Variants in ADGRF5 observed in about 807,000 individuals in gnomAD.
The protein encoded by ADGRF5 is adhesion G protein-coupled receptor F5.
A neutral mutation model predicts 132.3 loss-of-function variants in ADGRF5; 75 were observed. The observed-to-expected ratio is 0.57, with a 90% CI of 0.47 to 0.69. The LOEUF (loss-of-function observed/expected upper bound fraction) is 0.69. ADGRF5 is among the 30% of genes least tolerant of loss of function. The pLI, the probability that ADGRF5 is intolerant of heterozygous loss-of-function variation, is 0.00. For synonymous variants in ADGRF5, 629 were observed against 597.6 expected, an observed-to-expected ratio of 1.05 and a Z score of -0.77; for missense variants, 1,516 against 1,630.6, an observed-to-expected ratio of 0.93 and a Z score of 1.21.
At chr6:46,908,550 T>C (rs1775626104) in intron 1 of ADGRF5, among the ~76,000 whole-genome samples, 1 of 152,184 alleles carries the variant, frequency 6.6e-6, no homozygotes, top group Admixed American at 6.5e-5. Context: ...TTTCTACGAT[T>C]TCCCAGTGTT....
chr6:46,873,142 C>G lies in ADGRF5; in HGVS notation c.1241-1129G>C, dbSNP rs546694519. On this transcript the variant is annotated intron_variant, in intron 10 of 20. Coordinates refer to ENST00000283296, the MANE Select transcript of ADGRF5 (RefSeq NM_001098518.2). ...TCCCTTCATCCTTTGCCCTTCCTCA[C>G]CCTGTGTCTTTAATCTTTCCTCCCA... Among the ~76,000 whole-genome samples, 5 of 152,216 alleles carry G rather than the reference C, an allele frequency of 3.3e-5. No individual in the cohort carries two copies. The East Asian group carries it at 9.7e-4, about 29-fold the overall frequency.
intron 1 of ADGRF5, among the ~76,000 whole-genome samples, chr6:46,920,825 TGCACTCCAACCTGGGCGACAGA>T (rs1290708583): frequency 2.0e-5 from 3 of 152,038 alleles, no homozygotes; most frequent in African/African-American, 7.3e-5. Flanking sequence ...ATCGTGCCAC[TGCACTCCAACCTGGGCGACAGA>T]GCAAGACTCC....
chr6:46,860,833 A>G lies in ADGRF5; in HGVS notation c.2261T>C (p.Ile754Thr), dbSNP rs1562144880. The G allele has an allele frequency of 2.5e-6, 4 of 1,613,860 alleles. No individual in the cohort carries two copies. Among genetic ancestry groups the G allele is most frequent in the Non-Finnish European group, 2.5e-6 (3 of 1,179,854 alleles). ...TTCATGTTCCGCTTTGTCTATGCTA[A>G]TAGAAAGATCCTTCAGGTATGTAGG... is the stretch of plus-strand genomic sequence containing the variant. ...MLPTYLKDLS[I>T]SIDKAEHEIS... Residue 754 changes from isoleucine (I) to threonine (T), a missense_variant, in exon 16 of 21, where the codon ATT becomes ACT. Coordinates refer to ENST00000283296, the MANE Select transcript of ADGRF5 (RefSeq NM_001098518.2).
intron 1 of ADGRF5, among the ~76,000 whole-genome samples, chr6:46,916,008 C>A (rs185109362): frequency 6.6e-6 from 1 of 152,092 alleles, no homozygotes; most frequent in Non-Finnish European, 1.5e-5. Flanking sequence ...CTTCTATGCT[C>A]CCATCCTCAT....
chr6:46,890,325 T>C (rs1400542149), intron 3 of ADGRF5, among the ~76,000 whole-genome samples: 3 of 152,008 alleles, frequency 2.0e-5, no homozygotes, highest in Non-Finnish European at 4.4e-5. Flanking sequence ...ACTCTTGGGC[T>C]CAAGCGATCT....
At chr6:46,930,211 C>T (rs1777490111) in intron 1 of ADGRF5, among the ~76,000 whole-genome samples, 1 of 152,140 alleles carries the variant, frequency 6.6e-6, no homozygotes, top group Non-Finnish European at 1.5e-5. Context: ...TAGCGAATGG[C>T]ACCACAGTAT....
intron 1 of ADGRF5, among the ~76,000 whole-genome samples, chr6:46,941,433 A>AAAGAAAAAAG (rs1778068946): frequency 1.7e-5 from 1 of 57,674 alleles, no homozygotes; most frequent in Admixed American, 1.6e-4. Context: ...AAAGAAAAGA[A>AAAGAAAAAAG]AAGAAAAGAA....
rs571327810 is a variant in ADGRF5 at position 46,901,152 on chromosome 6, T to C, written c.103-1069A>G. Among the ~76,000 whole-genome samples the C allele has an allele frequency of 8.3e-4, 126 of 152,300 alleles. 1 individual carries two copies. The highest frequency in any genetic ancestry group is 4.6e-4 in the Admixed American group (7 of 15,306). On this transcript the variant is annotated intron_variant, in intron 2 of 20. Coordinates refer to ENST00000283296, the MANE Select transcript of ADGRF5 (RefSeq NM_001098518.2). ...ATTTCTGTGAAGTTCATCTCCTTCA[T>C]CCTGTAGCTTTTTTGTTAAAGAATA...
At chr6:46,882,995 T>C (rs927319919) in intron 6 of ADGRF5, among the ~76,000 whole-genome samples, 1 of 152,244 alleles carries the variant, frequency 6.6e-6, no homozygotes, top group Non-Finnish European at 1.5e-5. Context: ...GTTCCAAATA[T>C]GTTAACTCTA....
chr6:46,860,962 C>T (rs1769675294), intron 15 of ADGRF5, 68 bp from the exon 16 acceptor site: 10 of 1,234,148 alleles, frequency 8.1e-6, no homozygotes, highest in Non-Finnish European at 1.0e-5. Context: ...CCAGCTGATC[C>T]ATTCCTGGCA....
Position 46,877,458 on chromosome 6 carries a change from A to G in ADGRF5, c.1240+744T>C, listed in dbSNP as rs1165302254. On this transcript the variant is annotated intron_variant, in intron 10 of 20. Coordinates refer to ENST00000283296, the MANE Select transcript of ADGRF5 (RefSeq NM_001098518.2). ...CTGAACCTCAATTTCCTTATTTGCA[A>G]ATTGGAAGTAAAATGCTTCAAATTT... is the stretch of plus-strand genomic sequence containing the variant. 2.6e-5 allele frequency among the ~76,000 whole-genome samples: 4 copies of G among 150,970 alleles called. No individual in the cohort carries two copies. The East Asian group carries it at 7.8e-4, about 29-fold the overall frequency.
chr6:46,871,970 G>A lies in ADGRF5; in HGVS notation c.1284C>T (p.Thr428=). ...GGCACTGGGTTCCATCAGCCTTGAG[G>A]GTGTATCTGCTGCAGCTAGAATCTA... ...TDIDSSCSRY[T]LKADGTQCPS... Residue 428 remains threonine, a synonymous_variant, in exon 11 of 21, where the codon ACC becomes ACT. Coordinates refer to ENST00000283296, the MANE Select transcript of ADGRF5 (RefSeq NM_001098518.2). The A allele has an allele frequency of 6.2e-7, 1 of 1,612,640 alleles. No homozygotes were observed. Among genetic ancestry groups the A allele is most frequent in the East Asian group, 2.2e-5 (1 of 44,874 alleles).
chr6:46,939,451 A>G (rs977387109), intron 1 of ADGRF5, among the ~76,000 whole-genome samples: 4 of 152,218 alleles, frequency 2.6e-5, no homozygotes, highest in African/African-American at 9.6e-5. Flanking sequence ...AAATTAGTAT[A>G]TGTGACTTCA....
intron 1 of ADGRF5, among the ~76,000 whole-genome samples, chr6:46,944,029 T>C (rs1778203198): frequency 6.6e-6 from 1 of 152,224 alleles, no homozygotes; most frequent in Non-Finnish European, 1.5e-5. Flanking sequence ...GTAGATATTT[T>C]CTAAACATTG....
intron 1 of ADGRF5, among the ~76,000 whole-genome samples, chr6:46,929,331 G>A (rs999768199): frequency 9.9e-5 from 15 of 151,850 alleles, no homozygotes; most frequent in Non-Finnish European, 2.1e-4. Context: ...ATCACACACC[G>A]GGGACTGTTG....
At chr6:46,945,878 G>C (rs1778284990) in intron 1 of ADGRF5, among the ~76,000 whole-genome samples, 1 of 152,196 alleles carries the variant, frequency 6.6e-6, no homozygotes, top group Non-Finnish European at 1.5e-5. Flanking sequence ...TGGCAGTAAA[G>C]GGAGCTTGTT....
At chr6:46,859,546 T>C in intron 16 of ADGRF5, 23 bp from the exon 17 acceptor site, 1 of 1,411,892 alleles carries the variant, frequency 7.1e-7, no homozygotes. Flanking sequence ...TGGTATGGGG[T>C]CAAACTAACC....
At chr6:46,941,406 G>GAAAAGAAAAGAAAAGAAAAGAAAAGA in intron 1 of ADGRF5, among the ~76,000 whole-genome samples, 2 of 28,126 alleles carry the variant, frequency 7.1e-5, no homozygotes, top group African/African-American at 3.4e-4. Context: ...GAAAAGAAAA[G>GAAAAGAAAAGAAAAGAAAAGAAAAGA]AAAAGAAAAG....
chr6:46,940,648 A>C (rs1778013679), intron 1 of ADGRF5, among the ~76,000 whole-genome samples: 1 of 152,204 alleles, frequency 6.6e-6, no homozygotes, highest in Non-Finnish European at 1.5e-5. Flanking sequence ...CCCTCTAAAG[A>C]GGCAAACGCT....
Sources: allele counts gnomAD v4.1 joint callset (sites outside exome capture counted in the v4.1 genomes callset), GRCh38; gene constraint gnomAD v4.1.1; transcripts MANE v1.5; gene names NCBI Gene and HGNC (gene_info 2026-07-23, HGNC 2026-07-21).